The following XKR3 variants were observed in gnomAD, a reference collection of about 807,000 sequenced individuals.
XKR3 encodes the protein XK related 3, also known as XK-related protein 3.
In XKR3, 27 loss-of-function variants were observed where a neutral mutation model predicts 40.3. The ratio of observed to expected loss-of-function variants is 0.67; its 90% CI spans 0.49 to 0.92. The LOEUF is 0.92. Among genes scored for constraint, XKR3 ranks in the 40% least tolerant of loss-of-function variants. The pLI is 0.00. For synonymous variants in XKR3, 193 were observed against 195.4 expected (o/e 0.99, Z 0.10); for missense variants, 472 against 537.6 (o/e 0.88, Z 1.21).
intron 1 of XKR3, among the ~76,000 whole-genome samples, chr22:16,810,941 C>G (rs954850891): frequency 6.6e-6 from 1 of 152,110 alleles, no homozygotes; most frequent in African/African-American, 2.4e-5. Context: ...ATACATGAAC[C>G]CACGAGCCTT....
At chr22:16,797,759 C>T (rs1328361638) in intron 3 of XKR3, among the ~76,000 whole-genome samples, 1 of 147,734 alleles carries the variant, frequency 6.8e-6, no homozygotes, top group Non-Finnish European at 1.5e-5. Context: ...CACCACTGCA[C>T]TCCAGCCTGG....
intron 1 of XKR3, among the ~76,000 whole-genome samples, chr22:16,818,297 C>A (rs547521781): frequency 3.8e-4 from 58 of 152,044 alleles, no homozygotes; most frequent in African/African-American, 1.3e-3. Context: ...TAAAACACCA[C>A]GGACATAATG....
intron 1 of XKR3, 135 bp from the exon 2 acceptor site, chr22:16,808,218 T>C (rs762017054): frequency 1.1e-4 from 63 of 598,272 alleles, no homozygotes; most frequent in Middle Eastern, 5.3e-4. Flanking sequence ...CTAATCAGAA[T>C]AGAAAAATCC....
intron 1 of XKR3, among the ~76,000 whole-genome samples, chr22:16,812,909 T>A (rs1434523704): frequency 2.6e-5 from 4 of 152,206 alleles, no homozygotes; most frequent in Non-Finnish European, 5.9e-5. Flanking sequence ...AACAGACTCA[T>A]ACAATATGAG....
In XKR3 at chr22:16,784,062, G is replaced by A; in HGVS notation, c.937C>T (p.Leu313=). 1.2e-6 allele frequency: 2 copies of A among 1,614,192 alleles called. No homozygotes were observed. The highest frequency in any genetic ancestry group is 1.7e-6 in the Non-Finnish European group (2 of 1,180,038). ...TVLMLFLITL[L]YAAINFSCWS... ...CAGGAGAAGTTGATGGCAGCATATA[G>A]CAGTGTGATCAAGAAAAGCATCAGT... The change falls in exon 4 of 4, where the codon CTA becomes TTA. Residue 313 remains leucine, a synonymous_variant. Coordinates refer to ENST00000684488, the MANE Select transcript of XKR3 (RefSeq NM_001386955.1).
chr22:16,807,621 G>C, intron 2 of XKR3, 118 bp downstream of exon 2: 1 of 941,184 alleles, frequency 1.1e-6, no homozygotes, highest in East Asian at 2.6e-5. Flanking sequence ...TAAATCTAAA[G>C]AGGGAAATAT....
chr22:16,815,391 A>G (rs1226353802), intron 1 of XKR3, among the ~76,000 whole-genome samples: 1 of 151,970 alleles, frequency 6.6e-6, no homozygotes, highest in African/African-American at 2.4e-5. Flanking sequence ...CATGAAATAT[A>G]TTTGTCTGTA....
intron 3 of XKR3, among the ~76,000 whole-genome samples, chr22:16,799,542 G>C (rs1385981186): frequency 6.6e-6 from 1 of 151,320 alleles, no homozygotes; most frequent in Non-Finnish European, 1.5e-5. Context: ...TAACTCTTCA[G>C]GGTCAATAAA....
chr22:16,802,732 C>T (rs2060174502), intron 2 of XKR3, among the ~76,000 whole-genome samples: 2 of 152,130 alleles, frequency 1.3e-5, no homozygotes, highest in South Asian at 4.1e-4. Context: ...TTGTGATCTG[C>T]CTGCCTGGGA....
chr22:16,786,142 T>G (rs1280808729), intron 3 of XKR3, among the ~76,000 whole-genome samples: 2 of 152,064 alleles, frequency 1.3e-5, no homozygotes, highest in African/African-American at 4.8e-5. Flanking sequence ...CCAGGTATGG[T>G]GACTCATACC....
chr22:16,798,253 G>A (rs1351502248), intron 3 of XKR3, among the ~76,000 whole-genome samples: 9 of 150,644 alleles, frequency 6.0e-5, no homozygotes, highest in Non-Finnish European at 8.8e-5. Flanking sequence ...AATGCAAATC[G>A]AAACCACAAT....
chr22:16,794,605 C>A (rs1473700317), intron 3 of XKR3, among the ~76,000 whole-genome samples: 1 of 152,220 alleles, frequency 6.6e-6, no homozygotes, highest in African/African-American at 2.4e-5. Flanking sequence ...TCTGCTCTCA[C>A]AAAAGCACAC....
chr22:16,792,918 G>A (rs553761104), intron 3 of XKR3, among the ~76,000 whole-genome samples: 42 of 152,274 alleles, frequency 2.8e-4, no homozygotes, highest in Admixed American at 5.2e-4. Flanking sequence ...ATCAACATGC[G>A]TCTGGTTCAA....
intron 3 of XKR3, among the ~76,000 whole-genome samples, chr22:16,789,470 G>A (rs1209216585): frequency 6.6e-6 from 1 of 151,844 alleles, no homozygotes; most frequent in Non-Finnish European, 1.5e-5. Flanking sequence ...TTACCAAGGA[G>A]GTAGAAAATA....
chr22:16,809,998 C>T (rs1443633384), intron 1 of XKR3, among the ~76,000 whole-genome samples: 2 of 152,182 alleles, frequency 1.3e-5, no homozygotes, highest in African/African-American at 4.8e-5. Flanking sequence ...GCCTTCTGCC[C>T]GCCTCAGGCT....
At chr22:16,810,857 C>G (rs2060209552) in intron 1 of XKR3, among the ~76,000 whole-genome samples, 1 of 152,162 alleles carries the variant, frequency 6.6e-6, no homozygotes, top group Non-Finnish European at 1.5e-5. Flanking sequence ...ACTACAACCT[C>G]AGAGGTTCTG....
intron 1 of XKR3, among the ~76,000 whole-genome samples, chr22:16,820,264 A>C (rs1361352009): frequency 6.6e-6 from 1 of 152,216 alleles, no homozygotes; most frequent in African/African-American, 2.4e-5. Flanking sequence ...ATGTTCAAAC[A>C]AGCTGTGGTA....
intron 2 of XKR3, among the ~76,000 whole-genome samples, chr22:16,807,396 C>T (rs570084984): frequency 1.3e-5 from 2 of 152,308 alleles, no homozygotes; most frequent in African/African-American, 4.8e-5. Flanking sequence ...ACTCACTCTA[C>T]TCTCATTCCT....
intron 2 of XKR3, among the ~76,000 whole-genome samples, chr22:16,803,822 C>A (rs1178397383): frequency 6.6e-6 from 1 of 152,168 alleles, no homozygotes; most frequent in Non-Finnish European, 1.5e-5. Flanking sequence ...AAGAAAGAAC[C>A]ATAAAAATGG....
Sources: gnomAD v4.1 joint callset for allele counts (sites outside exome capture counted in the v4.1 genomes callset) on GRCh38, gnomAD v4.1.1 for gene constraint, MANE v1.5 for transcripts, NCBI Gene and HGNC (gene_info 2026-07-23, HGNC 2026-07-21) for gene names.